Variants in SCAF8 observed in about 807,000 individuals in gnomAD.
SCAF8 encodes SR-related CTD associated factor 8.
A neutral mutation model predicts 140.5 loss-of-function variants in SCAF8; 23 were observed. The observed-to-expected ratio is 0.16, with a 90% CI of 0.12 to 0.23. The LOEUF (loss-of-function observed/expected upper bound fraction) is 0.23, where lower values mean the gene tolerates loss of function less well. Among genes scored for constraint, SCAF8 ranks in the 10% least tolerant of loss-of-function variants. The pLI, the probability that SCAF8 is intolerant of heterozygous loss-of-function variation, is 1.00. For missense variants in SCAF8, 1,397 were observed against 1,555.7 expected (o/e 0.90, Z 1.72); for synonymous variants, 575 against 528.9 (o/e 1.09, Z -1.20).
chr6:154,813,128 C>T (rs994762217), intron 12 of SCAF8, among the ~76,000 whole-genome samples: 3 of 151,978 alleles, frequency 2.0e-5, no homozygotes, highest in African/African-American at 7.3e-5. Context: ...TCACTTGTGC[C>T]TAGGAGGTTG....
At chr6:154,771,657 C>G (rs998986140) in intron 1 of SCAF8, among the ~76,000 whole-genome samples, 1 of 152,088 alleles carries the variant, frequency 6.6e-6, no homozygotes, top group African/African-American at 2.4e-5. Context: ...AAACCAAATG[C>G]ATGTTCTCAC....
chr6:154,803,079 G>C (rs1238078512), intron 7 of SCAF8, among the ~76,000 whole-genome samples: 1 of 151,444 alleles, frequency 6.6e-6, no homozygotes, highest in African/African-American at 2.4e-5. Flanking sequence ...TTATTACTTA[G>C]ACTGTTTTGG....
chr6:154,818,227 A>G (rs1485303583), intron 13 of SCAF8, among the ~76,000 whole-genome samples: 2 of 152,170 alleles, frequency 1.3e-5, no homozygotes, highest in Non-Finnish European at 2.9e-5. Context: ...GTGATATTTA[A>G]GATTTCACAT....
chr6:154,734,882 T>C (rs190103967), intron 1 of SCAF8, among the ~76,000 whole-genome samples: 1 of 152,304 alleles, frequency 6.6e-6, no homozygotes, highest in East Asian at 1.9e-4. Flanking sequence ...CCCAGCACTT[T>C]GGGAGGCCGA....
At chr6:154,814,055 A>C (rs572264784) in intron 12 of SCAF8, among the ~76,000 whole-genome samples, 2 of 152,350 alleles carry the variant, frequency 1.3e-5, no homozygotes, top group South Asian at 2.1e-4. Flanking sequence ...AACTGTTACA[A>C]GGCTAGGCAT....
At chr6:154,735,540 CAG>C (rs1268690636) in intron 1 of SCAF8, among the ~76,000 whole-genome samples, 4 of 126,198 alleles carry the variant, frequency 3.2e-5, no homozygotes, top group African/African-American at 9.6e-5. Flanking sequence ...TTTTTTGAGA[CAG>C]AGTTTCGCTC....
intron 11 of SCAF8, 92 bp downstream of exon 11, chr6:154,808,890 G>A: frequency 2.4e-6 from 2 of 819,702 alleles, no homozygotes; most frequent in Non-Finnish European, 3.9e-6. Flanking sequence ...TGTTTCCTTG[G>A]GATGACATAT....
At chr6:154,815,690 G>T (rs1195554823) in intron 12 of SCAF8, 26 bp from the exon 13 acceptor site, 2 of 1,325,728 alleles carry the variant, frequency 1.5e-6, no homozygotes, top group African/African-American at 2.9e-5. Context: ...AATGATTTAG[G>T]TCATTTGTCT....
intron 5 of SCAF8, among the ~76,000 whole-genome samples, chr6:154,794,779 GGGTGTGTGTGTGTGTGTGT>G (rs1777544529): frequency 1.1e-4 from 3 of 26,378 alleles, no homozygotes; most frequent in African/African-American, 5.4e-4. Context: ...GGGGTGTGGG[GGGTGTGTGTGTGTGTGTGT>G]GTGTGTGTGT....
rs555139158 is a variant in SCAF8, at chr6:154,733,687, C to T, written c.-214C>T. 3.0e-6 allele frequency: 4 copies of T among 1,312,734 alleles called. No individual in the cohort carries two copies. The highest frequency in any genetic ancestry group is 2.9e-4 in the Middle Eastern group (1 of 3,492). The allele number at this position is 1,312,734 out of a possible 1,614,324, so 81.3% of individuals were successfully genotyped here. On this transcript the variant is annotated 5_prime_UTR_variant, in exon 1 of 20. Coordinates refer to ENST00000367178, the MANE Select transcript of SCAF8 (RefSeq NM_014892.5). ...CTGTTCCCTAGAACGGCGCTCCCCC[C>T]GCCCTAGCGGCCATGCCGGTGCCGC...
intron 16 of SCAF8, among the ~76,000 whole-genome samples, chr6:154,822,737 T>C (rs1357118886): frequency 2.6e-5 from 4 of 152,194 alleles, no homozygotes; most frequent in South Asian, 4.1e-4. Context: ...GATTAAAATT[T>C]TTTGAAAAAT....
chr6:154,736,100 C>G (rs1048925506), intron 1 of SCAF8, among the ~76,000 whole-genome samples: 1 of 151,876 alleles, frequency 6.6e-6, no homozygotes, highest in African/African-American at 2.4e-5. Context: ...GCTGGGATGA[C>G]AGATGTGAGC....
At chr6:154,745,731 G>A (rs903813548) in intron 1 of SCAF8, among the ~76,000 whole-genome samples, 23 of 152,030 alleles carry the variant, frequency 1.5e-4, no homozygotes, top group African/African-American at 4.8e-4. Flanking sequence ...TTTTGGTGTC[G>A]TCTTATCTGA....
intron 1 of SCAF8, among the ~76,000 whole-genome samples, chr6:154,744,038 T>C (rs1285722672): frequency 2.6e-5 from 4 of 152,256 alleles, no homozygotes; most frequent in Non-Finnish European, 5.9e-5. Context: ...CTCACGCCTG[T>C]AATCCCAGCA....
chr6:154,753,032 A>G lies in SCAF8; in HGVS notation c.30+19102A>G, dbSNP rs1159642346. ...GTTTTGTTTTTTTTTTTAATTTACC[A>G]GAAGGTATAAAGTGGGCCGGGCATG... On this transcript the variant is annotated intron_variant, in intron 1 of 19. Coordinates refer to ENST00000367178, the MANE Select transcript of SCAF8 (RefSeq NM_014892.5). Among the ~76,000 whole-genome samples the G allele has an allele frequency of 4.6e-5, 7 of 152,022 alleles. No homozygotes were observed. The South Asian group carries it at 8.3e-4, about 18-fold the overall frequency.
chr6:154,802,571 T>G (rs897058098), intron 7 of SCAF8, among the ~76,000 whole-genome samples: 69 of 152,108 alleles, frequency 4.5e-4, no homozygotes, highest in African/African-American at 1.6e-3. Flanking sequence ...GAGCCAAGAT[T>G]GAGCAACTGT....
chr6:154,772,874 C>G (rs1412215712), intron 1 of SCAF8, among the ~76,000 whole-genome samples: 1 of 152,110 alleles, frequency 6.6e-6, no homozygotes, highest in Non-Finnish European at 1.5e-5. Context: ...GTTCTCCTGC[C>G]TCAGCCTCCC....
intron 12 of SCAF8, among the ~76,000 whole-genome samples, chr6:154,813,037 G>T (rs1349819156): frequency 3.4e-5 from 3 of 87,960 alleles, no homozygotes; most frequent in African/African-American, 8.1e-5. Context: ...CATCACTACC[G>T]CCAAAAAAAA....
chr6:154,780,381 G>A (rs945278329), intron 3 of SCAF8, among the ~76,000 whole-genome samples: 5 of 129,612 alleles, frequency 3.9e-5, no homozygotes, highest in African/African-American at 1.2e-4. Context: ...TTAAATTTAA[G>A]TTCTGGTATA....
Sources: allele counts gnomAD v4.1 joint callset (sites outside exome capture counted in the v4.1 genomes callset), GRCh38; gene constraint gnomAD v4.1.1; transcripts MANE v1.5; gene names NCBI Gene and HGNC (gene_info 2026-07-23, HGNC 2026-07-21).